Variants in MSI2 observed in about 807,000 individuals in gnomAD.
The protein encoded by MSI2 is musashi RNA binding protein 2.
MSI2 carries 17 observed loss-of-function variants against 45.6 expected under a neutral mutation model. That is an observed-to-expected ratio of 0.37 (90% CI 0.26 to 0.56). The LOEUF is 0.56. Ranked by LOEUF, MSI2 falls within the 20% of genes least tolerant of loss-of-function variation. MSI2 has a pLI of 0.77. For synonymous variants in MSI2, 156 were observed against 158.2 expected (o/e 0.99, Z 0.11); for missense variants, 293 against 444.2 (o/e 0.66, Z 3.06).
At chr17:57,488,093 G>A (rs2143788828) in intron 6 of MSI2, among the ~76,000 whole-genome samples, 1 of 152,204 alleles carries the variant, frequency 6.6e-6, no homozygotes, top group African/African-American at 2.4e-5. Context: ...GGAGCCCAGG[G>A]CAGCAGCCAA....
intron 5 of MSI2, among the ~76,000 whole-genome samples, chr17:57,297,517 C>T (rs918512928): frequency 6.6e-6 from 1 of 152,152 alleles, no homozygotes; most frequent in African/African-American, 2.4e-5. Context: ...GGTCTTGCCT[C>T]AATGTTGATG....
intron 6 of MSI2, among the ~76,000 whole-genome samples, chr17:57,447,854 A>AC (rs1241125460): frequency 6.6e-6 from 1 of 152,080 alleles, no homozygotes; most frequent in African/African-American, 2.4e-5. Context: ...GGGGCTATGA[A>AC]CCATGACAGG....
intron 5 of MSI2, among the ~76,000 whole-genome samples, chr17:57,348,255 C>T (rs1449493274): frequency 1.3e-5 from 2 of 152,118 alleles, no homozygotes; most frequent in African/African-American, 4.8e-5. Context: ...TTGGGAGTCA[C>T]AGGAGGCAGG....
intron 7 of MSI2, among the ~76,000 whole-genome samples, chr17:57,539,742 T>C (rs2087001420): frequency 1.0e-5 from 1 of 98,066 alleles, no homozygotes; most frequent in Non-Finnish European, 2.1e-5. Context: ...GGCCCTGGTC[T>C]GAAAAGAAGC....
intron 6 of MSI2, among the ~76,000 whole-genome samples, chr17:57,424,110 G>T (rs1237228592): frequency 6.6e-6 from 1 of 152,186 alleles, no homozygotes; most frequent in African/African-American, 2.4e-5. Flanking sequence ...CTTTGGGGCA[G>T]CATGAACCCT....
intron 5 of MSI2, among the ~76,000 whole-genome samples, chr17:57,394,539 AT>A (rs2144100755): frequency 6.6e-6 from 1 of 152,336 alleles, no homozygotes; most frequent in East Asian, 1.9e-4. Flanking sequence ...AACAGCTCAG[AT>A]TTTATTAGGC....
chr17:57,615,432 A>G (rs903730193), intron 8 of MSI2, among the ~76,000 whole-genome samples: 11 of 152,170 alleles, frequency 7.2e-5, no homozygotes, highest in Non-Finnish European at 1.3e-4. Flanking sequence ...CGCCCAGCCA[A>G]CACAAAACTT....
intron 10 of MSI2, among the ~76,000 whole-genome samples, 195 bp from the exon 11 acceptor site, chr17:57,651,904 C>T (rs1911178144): frequency 6.6e-6 from 1 of 152,240 alleles, no homozygotes; most frequent in Non-Finnish European, 1.5e-5. Flanking sequence ...GAATCAAACG[C>T]ACCTAAAGAT....
chr17:57,559,463 C>T (rs910537123), intron 7 of MSI2, among the ~76,000 whole-genome samples: 2 of 152,284 alleles, frequency 1.3e-5, no homozygotes, highest in East Asian at 1.9e-4. Flanking sequence ...GTTGGCTGGA[C>T]GGTGTGGTTC....
At chr17:57,349,017 G>A (rs1277034250) in intron 5 of MSI2, among the ~76,000 whole-genome samples, 5 of 152,186 alleles carry the variant, frequency 3.3e-5, no homozygotes, top group Non-Finnish European at 7.3e-5. Context: ...TTCAAGTCCT[G>A]GCCAGTAGAC....
chr17:57,657,645 A>G (rs1911697327), intron 11 of MSI2, among the ~76,000 whole-genome samples: 2 of 152,216 alleles, frequency 1.3e-5, no homozygotes, highest in African/African-American at 4.8e-5. Flanking sequence ...AATAGATCTC[A>G]AGAAGTAGAT....
intron 11 of MSI2, among the ~76,000 whole-genome samples, chr17:57,669,168 T>A (rs1440790617): frequency 6.6e-6 from 1 of 152,222 alleles, no homozygotes; most frequent in African/African-American, 2.4e-5. Context: ...CATTTGACCA[T>A]CTGCAATTAT....
chr17:57,607,032 G>A (rs1598444526), intron 8 of MSI2, among the ~76,000 whole-genome samples: 1 of 152,148 alleles, frequency 6.6e-6, no homozygotes, highest in Admixed American at 6.5e-5. Flanking sequence ...CTTTTCTGCT[G>A]TAACTACGAG....
intron 6 of MSI2, among the ~76,000 whole-genome samples, chr17:57,492,006 C>T (rs137981024): frequency 8.3e-4 from 127 of 152,210 alleles, no homozygotes; most frequent in Non-Finnish European, 1.4e-3. Flanking sequence ...AAATCAGTTG[C>T]GATTAAAGCT....
intron 7 of MSI2, among the ~76,000 whole-genome samples, chr17:57,594,687 A>G (rs1427861311): frequency 1.3e-5 from 2 of 152,220 alleles, no homozygotes; most frequent in Admixed American, 1.3e-4. Context: ...GGTAGGGGGT[A>G]TAAACCTGGT....
chr17:57,452,904 C>A (rs1420516143), intron 6 of MSI2, among the ~76,000 whole-genome samples: 2 of 151,520 alleles, frequency 1.3e-5, no homozygotes, highest in Non-Finnish European at 2.9e-5. Context: ...GATTTGGATG[C>A]AGGCTCTAAC....
intron 5 of MSI2, among the ~76,000 whole-genome samples, chr17:57,298,702 A>C (rs1323617812): frequency 1.3e-5 from 2 of 152,210 alleles, no homozygotes; most frequent in African/African-American, 4.8e-5. Context: ...TTGTTGTTCA[A>C]ATTTATAGAG....
rs1192187620 is a variant in MSI2, at chr17:57,660,851, C to G, written c.790+8690C>G. ...AGTAACTGTAGGTAAAGCCAGAGAG[C>G]TGGGCAGAATCAGAGCAGGGGACCC... On this transcript the variant is annotated intron_variant, in intron 11 of 13. Transcript: ENST00000284073. 2.0e-5 allele frequency among the ~76,000 whole-genome samples: 3 copies of G among 152,268 alleles called. No homozygotes were observed. In the East Asian group the frequency reaches 5.8e-4, roughly 29 times the overall value.
At chr17:57,284,351 G>A (rs1017479395) in intron 5 of MSI2, among the ~76,000 whole-genome samples, 2 of 151,736 alleles carry the variant, frequency 1.3e-5, no homozygotes, top group South Asian at 2.1e-4. Flanking sequence ...ACCCCGAAAC[G>A]TTTGTAGTAC....
Sources: gnomAD v4.1 joint callset for allele counts (sites outside exome capture counted in the v4.1 genomes callset) on GRCh38, gnomAD v4.1.1 for gene constraint, MANE v1.5 for transcripts, NCBI Gene and HGNC (gene_info 2026-07-23, HGNC 2026-07-21) for gene names.